Variants in OSBPL1A observed in about 807,000 individuals in gnomAD.
OSBPL1A encodes the protein oxysterol-binding protein-related protein 1.
In OSBPL1A, 80 loss-of-function variants were observed where a neutral mutation model predicts 137.1. That is an observed-to-expected ratio of 0.58 (90% confidence interval 0.49 to 0.70). OSBPL1A has a LOEUF of 0.70. OSBPL1A is among the 30% of genes least tolerant of loss of function. The pLI is 0.00. For synonymous variants in OSBPL1A, 365 were observed against 389.7 expected (o/e 0.94, Z 0.75); for missense variants, 970 against 1,129.4 (o/e 0.86, Z 2.02).
At chr18:24,311,439 T>G in intron 13 of OSBPL1A, 1 of 984,954 alleles carries the variant, frequency 1.0e-6, no homozygotes, top group Non-Finnish European at 1.2e-6. Context: ...AAAACACCTA[T>G]TTCATTTCAA....
intron 15 of OSBPL1A, among the ~76,000 whole-genome samples, chr18:24,267,958 T>A (rs1291639554): frequency 4.6e-5 from 7 of 151,770 alleles, no homozygotes; most frequent in Non-Finnish European, 1.0e-4. Context: ...AGAAATGAAA[T>A]GTGTAAGAAT....
intron 17 of OSBPL1A, among the ~76,000 whole-genome samples, chr18:24,197,279 G>A (rs776296404): frequency 2.5e-4 from 38 of 152,078 alleles, no homozygotes; most frequent in Non-Finnish European, 4.9e-4. Flanking sequence ...CACGTGAGGC[G>A]GAGGTTGCAG....
At chr18:24,183,916 T>C (rs2086676626) in intron 18 of OSBPL1A, among the ~76,000 whole-genome samples, 1 of 152,228 alleles carries the variant, frequency 6.6e-6, no homozygotes, top group South Asian at 2.1e-4. Flanking sequence ...CAGATTGAGT[T>C]CCACTGCTGG....
At position 24,283,310 on chromosome 18, in the gene OSBPL1A, A is replaced by G. The variant is rs926421976; in HGVS notation, c.1175-2362T>C. On this transcript the variant is annotated intron_variant, in intron 14 of 27. Coordinates refer to ENST00000319481, the MANE Select transcript of OSBPL1A (RefSeq NM_080597.4). ...TATATATATATATATATATGTATAT[A>G]TATACACACACACACAGACACACAC... Among the ~76,000 whole-genome samples the G allele has an allele frequency of 4.9e-5, 6 of 121,552 alleles. No homozygotes were observed. In the East Asian group the frequency reaches 1.0e-3, roughly 20 times the overall value. The allele number at this position is 121,552 out of a possible 152,430, so 79.7% of individuals were successfully genotyped here.
chr18:24,242,766 A>G (rs2088746560), intron 15 of OSBPL1A, among the ~76,000 whole-genome samples: 1 of 152,232 alleles, frequency 6.6e-6, no homozygotes, highest in South Asian at 2.1e-4. Context: ...AATAAATGGT[A>G]AGCAATCAAG....
At chr18:24,203,088 CT>C (rs1184274772) in intron 17 of OSBPL1A, among the ~76,000 whole-genome samples, 1 of 152,210 alleles carries the variant, frequency 6.6e-6, no homozygotes, top group Non-Finnish European at 1.5e-5. Flanking sequence ...AGCGATTCTC[CT>C]GCTTCAGCCA....
intron 15 of OSBPL1A, among the ~76,000 whole-genome samples, chr18:24,265,373 G>A (rs1009020679): frequency 6.6e-6 from 1 of 152,112 alleles, no homozygotes; most frequent in African/African-American, 2.4e-5. Flanking sequence ...CCAGCTACTT[G>A]GGATGCTGAG....
chr18:24,235,708 T>C (rs554821257), intron 16 of OSBPL1A, among the ~76,000 whole-genome samples: 53 of 152,292 alleles, frequency 3.5e-4, no homozygotes, highest in African/African-American at 1.2e-3. Context: ...AATATGTAAG[T>C]CTCTAGCAAG....
At chr18:24,369,632 C>T (rs1310901457) in intron 2 of OSBPL1A, among the ~76,000 whole-genome samples, 2 of 152,198 alleles carry the variant, frequency 1.3e-5, no homozygotes, top group Admixed American at 1.3e-4. Flanking sequence ...ACACCCACAA[C>T]AGGCCTCTAA....
At chr18:24,175,120 A>ATGTG (rs1317317202) in intron 21 of OSBPL1A, among the ~76,000 whole-genome samples, 4 of 129,330 alleles carry the variant, frequency 3.1e-5, no homozygotes, top group African/African-American at 1.4e-4. Flanking sequence ...ATATATATAT[A>ATGTG]TATATATATA....
chr18:24,344,878 A>G (rs2146161609), intron 4 of OSBPL1A, among the ~76,000 whole-genome samples: 1 of 152,244 alleles, frequency 6.6e-6, no homozygotes. Context: ...CAGTGGCACT[A>G]CCTCGGCTCA....
At position 24,164,420 on chromosome 18, in the gene OSBPL1A, G is replaced by GGT. The variant is rs199563115; in HGVS notation, c.2750+644_2750+645insAC. 5.1e-3 allele frequency among the ~76,000 whole-genome samples: 492 copies of GGT among 95,952 alleles called. 74 individuals are homozygous for GGT. The highest frequency in any genetic ancestry group is 6.0e-3 in the South Asian group (14 of 2,324). 62.9% of individuals were successfully genotyped at this position (95,952 alleles called of 152,430 possible). A position where few individuals can be genotyped will look rare whatever the true frequency, so the allele number is the denominator to read the frequency against. On this transcript the variant is annotated intron_variant, in intron 27 of 27. Coordinates refer to ENST00000319481, the MANE Select transcript of OSBPL1A (RefSeq NM_080597.4). ...ATGGAAAACAGTATGGAGATTTTTG[G>GGT]TTTTTTTTTTTTTTTTTTTTTTTTT...
chr18:24,190,154 G>T (rs2086850340), intron 18 of OSBPL1A, among the ~76,000 whole-genome samples: 1 of 152,128 alleles, frequency 6.6e-6, no homozygotes, highest in Non-Finnish European at 1.5e-5. Flanking sequence ...CACCTACACA[G>T]GAATGTGGAG....
intron 13 of OSBPL1A, among the ~76,000 whole-genome samples, chr18:24,307,721 A>C (rs1016951588): frequency 6.6e-6 from 1 of 152,316 alleles, no homozygotes; most frequent in African/African-American, 2.4e-5. Flanking sequence ...AATCTTTATT[A>C]GCTCCACGTG....
intron 4 of OSBPL1A, among the ~76,000 whole-genome samples, chr18:24,360,030 C>T (rs935498281): frequency 2.8e-4 from 42 of 152,174 alleles, no homozygotes; most frequent in African/African-American, 9.4e-4. Context: ...TGCGATGGCG[C>T]GATCTCGGCT....
chr18:24,344,551 T>C (rs1172709460), intron 4 of OSBPL1A, among the ~76,000 whole-genome samples: 1 of 152,188 alleles, frequency 6.6e-6, no homozygotes, highest in Non-Finnish European at 1.5e-5. Flanking sequence ...TGAAAACTAT[T>C]CAAAGACCAA....
chr18:24,338,801 C>A (rs543021354), intron 5 of OSBPL1A, among the ~76,000 whole-genome samples: 1 of 152,188 alleles, frequency 6.6e-6, no homozygotes, highest in Admixed American at 6.5e-5. Context: ...GCAACCTCCA[C>A]CTCCTGGGTT....
At chr18:24,322,593 A>G (rs899135244) in intron 7 of OSBPL1A, among the ~76,000 whole-genome samples, 6 of 152,218 alleles carry the variant, frequency 3.9e-5, no homozygotes, top group Non-Finnish European at 8.8e-5. Context: ...AATGCCTTAT[A>G]GAGGTCTGCC....
At chr18:24,281,242 C>T (rs778868749) in intron 14 of OSBPL1A, among the ~76,000 whole-genome samples, 4 of 151,764 alleles carry the variant, frequency 2.6e-5, no homozygotes, top group Non-Finnish European at 2.9e-5. Context: ...CACACCACCA[C>T]GCCCAGCTAA....
Sources: gnomAD v4.1 joint callset for allele counts (sites outside exome capture counted in the v4.1 genomes callset) on GRCh38, gnomAD v4.1.1 for gene constraint, MANE v1.5 for transcripts, NCBI Gene and HGNC (gene_info 2026-07-23, HGNC 2026-07-21) for gene names.